The following MGA variants were observed in gnomAD, a reference collection of about 807,000 sequenced individuals.
MGA encodes the protein MAX gene-associated protein.
MGA carries 40 observed loss-of-function variants against 261.1 expected under a neutral mutation model. That is an observed-to-expected ratio of 0.15 (90% CI 0.12 to 0.20). The LOEUF (loss-of-function observed/expected upper bound fraction) is 0.20, where lower values mean the gene tolerates loss of function less well. MGA is among the 10% of genes least tolerant of loss of function. The pLI is 1.00. For missense variants in MGA, 3,397 were observed against 3,630.5 expected, an observed-to-expected ratio of 0.94 and a Z score of 1.65; for synonymous variants, 1,302 against 1,290.6, an observed-to-expected ratio of 1.01 and a Z score of -0.19.
At chr15:41,683,645 C>G (rs1033763098) in intron 2 of MGA, among the ~76,000 whole-genome samples, 1 of 146,904 alleles carries the variant, frequency 6.8e-6, no homozygotes, top group African/African-American at 2.5e-5. Context: ...GTGGCGCGAT[C>G]TTGGCTCACT....
intron 2 of MGA, among the ~76,000 whole-genome samples, chr15:41,680,530 G>A (rs910336357): frequency 3.3e-5 from 5 of 152,170 alleles, no homozygotes; most frequent in African/African-American, 1.2e-4. Context: ...CTTTTCACCA[G>A]TTGGCTACAA....
intron 2 of MGA, among the ~76,000 whole-genome samples, chr15:41,694,092 CTA>C (rs929840765): frequency 6.6e-6 from 1 of 152,002 alleles, no homozygotes; most frequent in Non-Finnish European, 1.5e-5. Flanking sequence ...CTATTTCACA[CTA>C]TTAATGGAAA....
At chr15:41,643,488 C>T (rs900946566) in intron 1 of MGA, among the ~76,000 whole-genome samples, 1 of 151,930 alleles carries the variant, frequency 6.6e-6, no homozygotes, top group African/African-American at 2.4e-5. Context: ...GATCTGCCTG[C>T]CTCGACCTCC....
chr15:41,670,447 A>C (rs78424613), intron 2 of MGA, among the ~76,000 whole-genome samples: 1 of 152,170 alleles, frequency 6.6e-6, no homozygotes, highest in African/African-American at 2.4e-5. Context: ...AGAGACTGAA[A>C]GATGTTGGTC....
At chr15:41,704,217 TA>T (rs1234638360) in intron 5 of MGA, among the ~76,000 whole-genome samples, 8 of 152,162 alleles carry the variant, frequency 5.3e-5, no homozygotes, top group African/African-American at 1.7e-4. Context: ...TTCCTTAAAA[TA>T]TTTTTTTTTA....
At chr15:41,740,961 A>G (rs1351242484) in intron 14 of MGA, among the ~76,000 whole-genome samples, 1 of 152,130 alleles carries the variant, frequency 6.6e-6, no homozygotes, top group Non-Finnish European at 1.5e-5. Context: ...TGTTGTTTCA[A>G]ATCTGTTAGG....
At position 41,672,727 on chromosome 15, in the gene MGA, A is replaced by G. The variant is rs141823048; in HGVS notation, c.1064+2769A>G. On this transcript the variant is annotated intron_variant, in intron 2 of 23. Transcript: ENST00000219905. ...GTTGGACAAATCTGGCCTATAGCCT[A>G]TTTTAGTATGTATACAAGAATATGT... Among the ~76,000 whole-genome samples the G allele has an allele frequency of 2.4e-3, 361 of 152,298 alleles. 1 individual carries two copies. The highest frequency in any genetic ancestry group is 8.3e-3 in the African/African-American group (345 of 41,556).
Position 41,722,885 on chromosome 15 carries a change from A to G in MGA, c.3431-4295A>G, listed in dbSNP as rs1025434444. On this transcript the variant is annotated intron_variant, in intron 9 of 23. Transcript: ENST00000219905. The stretch of plus-strand genomic sequence containing the variant: ...GCTCTAAGAGGTTACTGTCAATTTG[A>G]TAAAACAGGTATGTGGTGAAAAGAT... Among the ~76,000 whole-genome samples the G allele has an allele frequency of 5.3e-5, 8 of 152,324 alleles. No homozygotes were observed. In the South Asian group the frequency reaches 1.7e-3, roughly 32 times the overall value.
At chr15:41,704,076 G>A (rs1795562338) in intron 5 of MGA, among the ~76,000 whole-genome samples, 1 of 152,166 alleles carries the variant, frequency 6.6e-6, no homozygotes, top group African/African-American at 2.4e-5. Flanking sequence ...GCCTCCTGAA[G>A]TGGTGGGATT....
chr15:41,746,692 G>T (rs2062506141), intron 15 of MGA, among the ~76,000 whole-genome samples: 1 of 151,372 alleles, frequency 6.6e-6, no homozygotes, highest in Non-Finnish European at 1.5e-5. Flanking sequence ...TAAATGTTAT[G>T]ACCATGACTT....
At position 41,742,964 on chromosome 15, in the gene MGA, C is replaced by G; in HGVS notation, c.5004C>G (p.Thr1668=). Residue 1668 remains threonine, a synonymous_variant, in exon 15 of 24, where the codon ACC becomes ACG. Transcript: ENST00000219905. ...TTACCAAAACCACTGGGATAACTAC[C>G]CCTGTGGCTTCAGTTGCTTTTCCTA... 2 of 1,613,974 alleles carry G rather than the reference C, an allele frequency of 1.2e-6. No individual in the cohort carries two copies. Among genetic ancestry groups the G allele is most frequent in the Non-Finnish European group, 1.7e-6 (2 of 1,179,890 alleles).
At chr15:41,743,277 T>A in intron 15 of MGA, 105 bp downstream of exon 15, 1 of 1,319,290 alleles carries the variant, frequency 7.6e-7, no homozygotes. Context: ...AGTATAGGTA[T>A]TTCTGTTGTA....
At chr15:41,691,571 T>C (rs1326862964) in intron 2 of MGA, 1 of 472,698 alleles carries the variant, frequency 2.1e-6, no homozygotes, top group African/African-American at 2.0e-5. Context: ...TACAAGTAAG[T>C]AGACGTGGCA....
chr15:41,752,666 TGCCTCA>T (rs1331484091), intron 17 of MGA, among the ~76,000 whole-genome samples: 1 of 151,522 alleles, frequency 6.6e-6, no homozygotes, highest in African/African-American at 2.4e-5. Context: ...GCGATTCTTC[TGCCTCA>T]GCCTCCCGAG....
Position 41,642,610 on chromosome 15 carries a change from A to G in MGA, c.-68+21312A>G, listed in dbSNP as rs143929973. On this transcript the variant is annotated intron_variant, in intron 1 of 8. Transcript: ENST00000566718. Reference sequence around the variant, plus strand: ...GCGATTCTCCTGTCTCAGCCTCCCAAGTAGCTGGGGCTACAGGCGCATGCC... The same window carrying G: ...GCGATTCTCCTGTCTCAGCCTCCCAGGTAGCTGGGGCTACAGGCGCATGCC... Among the ~76,000 whole-genome samples the G allele has an allele frequency of 7.7e-3, 1,167 of 152,088 alleles. 19 individuals carry two copies. Among genetic ancestry groups the G allele is most frequent in the African/African-American group, 0.026 (1,089 of 41,498 alleles).
rs760886029 is a variant in MGA, at chr15:41,713,302, G to T, written c.3236G>T (p.Gly1079Val). ...TGCCGCCGACCAGACTGCATGTTTG[G>T]TTGTACTTGTTTGAAAAGAAAAGTT... The change falls in exon 9 of 24, where the codon GGT becomes GTT. Residue 1079 changes from glycine (G) to valine (V), a missense_variant. Transcript: ENST00000219905. 2 of 1,613,958 alleles carry T rather than the reference G, an allele frequency of 1.2e-6. No homozygotes were observed. Among genetic ancestry groups the T allele is most frequent in the South Asian group, 2.2e-5 (2 of 91,086 alleles).
At chr15:41,632,230 C>T (rs918795345) in intron 1 of MGA, among the ~76,000 whole-genome samples, 3 of 152,150 alleles carry the variant, frequency 2.0e-5, no homozygotes, top group Non-Finnish European at 4.4e-5. Context: ...TGGACCTTAG[C>T]GTTTCTTTTA....
chr15:41,715,155 T>G (rs12909928), intron 9 of MGA, among the ~76,000 whole-genome samples: 1 of 148,900 alleles, frequency 6.7e-6, no homozygotes, highest in Non-Finnish European at 1.5e-5. Context: ...TTTTTTTTCT[T>G]TTTTCTTTTT....
chr15:41,680,397 AC>A (rs532905503), intron 2 of MGA, among the ~76,000 whole-genome samples: 88 of 151,032 alleles, frequency 5.8e-4, no homozygotes, highest in African/African-American at 2.1e-3. Flanking sequence ...TTCTGTTTTA[AC>A]CCCCCCTGAT....
Sources: gnomAD v4.1 joint callset for allele counts (sites outside exome capture counted in the v4.1 genomes callset) on GRCh38, gnomAD v4.1.1 for gene constraint, MANE v1.5 for transcripts, NCBI Gene and HGNC (gene_info 2026-07-23, HGNC 2026-07-21) for gene names.